The following TRIM13 variants were observed in gnomAD, a reference collection of about 807,000 sequenced individuals.
TRIM13 encodes tripartite motif containing 13, also known as E3 ubiquitin-protein ligase TRIM13.
A neutral mutation model predicts 27.1 loss-of-function variants in TRIM13; 15 were observed. That is an observed-to-expected ratio of 0.55 (90% CI 0.37 to 0.85). TRIM13 has a LOEUF of 0.85. Among genes scored for constraint, TRIM13 ranks in the 40% least tolerant of loss-of-function variants. The pLI, the probability that TRIM13 is intolerant of heterozygous loss-of-function variation, is 0.00. For synonymous variants in TRIM13, 193 were observed against 171.5 expected (o/e 1.13, Z -0.98); for missense variants, 402 against 472.2 (o/e 0.85, Z 1.38).
At chr13:50,004,730 AGAT>A (rs1435771641) in intron 1 of TRIM13, among the ~76,000 whole-genome samples, 3 of 150,264 alleles carry the variant, frequency 2.0e-5, no homozygotes, top group Admixed American at 6.6e-5. Context: ...CAGTGAGCCA[AGAT>A]GGCGCCACTG....
intron 1 of TRIM13, among the ~76,000 whole-genome samples, chr13:50,004,365 G>A (rs1874408330): frequency 6.6e-6 from 1 of 152,140 alleles, no homozygotes; most frequent in South Asian, 2.1e-4. Flanking sequence ...TCATGAGGCT[G>A]AGGTGGGAGG....
chr13:50,001,683 T>C (rs1167730820), intron 1 of TRIM13, among the ~76,000 whole-genome samples: 3 of 152,228 alleles, frequency 2.0e-5, no homozygotes, highest in Non-Finnish European at 4.4e-5. Flanking sequence ...ATATGTAATA[T>C]ATTAATTTTC....
chr13:50,007,054 C>T (rs919729459), intron 1 of TRIM13, among the ~76,000 whole-genome samples: 3 of 151,640 alleles, frequency 2.0e-5, no homozygotes, highest in Non-Finnish European at 4.4e-5. Context: ...TGGTGGTGGG[C>T]GCCTGTAGTT....
At chr13:50,007,041 G>T (rs1207934383) in intron 1 of TRIM13, among the ~76,000 whole-genome samples, 1 of 151,940 alleles carries the variant, frequency 6.6e-6, no homozygotes, top group East Asian at 1.9e-4. Context: ...AGTTAGCTGG[G>T]CATGGTGGTG....
chr13:50,016,266 T>TCCC lies in TRIM13; in HGVS notation c.*3102_*3103insCCC. On this transcript the variant is annotated 3_prime_UTR_variant, in exon 2 of 2. Transcript: ENST00000378182. ...GGATACTTTTTAGAGTGAAAGGGGC[T>TCCC]ATTATTAGGTGGGACAAAAGGAATA... 2 of 542,924 alleles carry TCCC rather than the reference T, an allele frequency of 3.7e-6. No homozygotes were observed. Among genetic ancestry groups the TCCC allele is most frequent in the Admixed American group, 6.8e-5 (2 of 29,294 alleles). The allele number at this position is 542,924 out of a possible 1,614,324, so 33.6% of individuals were successfully genotyped here. A position where few individuals can be genotyped will look rare whatever the true frequency, so the allele number is the denominator to read the frequency against.
intron 1 of TRIM13, 89 bp from the exon 2 acceptor site, chr13:50,011,846 T>C: frequency 7.0e-7 from 1 of 1,431,836 alleles, no homozygotes; most frequent in African/African-American, 1.4e-5. Flanking sequence ...GAAAAATCAT[T>C]TTAACGTGAA....
At position 50,013,188 on chromosome 13, in the gene TRIM13, T is replaced by C; in HGVS notation, c.*24T>C. The C allele has an allele frequency of 6.6e-7, 1 of 1,512,032 alleles. No individual in the cohort carries two copies. The highest frequency in any genetic ancestry group is 2.3e-5 in the East Asian group (1 of 43,370). The allele number at this position is 1,512,032 out of a possible 1,614,324, so 93.7% of individuals were successfully genotyped here. A position where few individuals can be genotyped will look rare whatever the true frequency, so the allele number is the denominator to read the frequency against. ...AAAATCTGTTTCAAGTATGCAGTTTTCTTTTGTTAGAAATTGTTAGAGAAT... is the reference window on the plus strand; with the variant it reads ...AAAATCTGTTTCAAGTATGCAGTTTCCTTTTGTTAGAAATTGTTAGAGAAT... On this transcript the variant is annotated 3_prime_UTR_variant, in exon 2 of 2. Transcript: ENST00000378182.
chr13:50,003,367 A>C (rs1338665644), intron 1 of TRIM13, among the ~76,000 whole-genome samples: 2 of 152,226 alleles, frequency 1.3e-5, no homozygotes, highest in Non-Finnish European at 1.5e-5. Flanking sequence ...ATGAAAAAAA[A>C]CAAAAAACAT....
At position 50,014,525 on chromosome 13, in the gene TRIM13, A is replaced by G. The variant is rs944070956; in HGVS notation, c.*1361A>G. 4 of 166,354 alleles carry G rather than the reference A, an allele frequency of 2.4e-5. No homozygotes were observed. The highest frequency in any genetic ancestry group is 9.7e-5 in the African/African-American group (4 of 41,224). The allele number at this position is 166,354 out of a possible 1,614,324, so 10.3% of individuals were successfully genotyped here. Reference sequence around the variant, plus strand: ...TACAACCAAACCAATCCACTTGCTTACAGAAAGAATGTTTAGTGTAGTTAA... The same window carrying G: ...TACAACCAAACCAATCCACTTGCTTGCAGAAAGAATGTTTAGTGTAGTTAA... On this transcript the variant is annotated 3_prime_UTR_variant, in exon 2 of 2. Transcript: ENST00000378182.
chr13:50,004,855 T>C (rs1874480180), intron 1 of TRIM13, among the ~76,000 whole-genome samples: 1 of 151,054 alleles, frequency 6.6e-6, no homozygotes, highest in African/African-American at 2.4e-5. Flanking sequence ...GAGGGCGGAT[T>C]ACCTGAGGTC....
chr13:50,009,095 A>AT (rs1178401815), intron 1 of TRIM13, among the ~76,000 whole-genome samples: 1 of 141,518 alleles, frequency 7.1e-6, no homozygotes, highest in Middle Eastern at 3.3e-3. Context: ...TCTATTAGAA[A>AT]TTAAAACAAT....
At chr13:50,000,775 A>G (rs1203327931) in intron 1 of TRIM13, among the ~76,000 whole-genome samples, 1 of 147,026 alleles carries the variant, frequency 6.8e-6, no homozygotes, top group African/African-American at 2.5e-5. Flanking sequence ...AACTAATTTT[A>G]TAATTTAAGA....
rs532707943 is a variant in TRIM13 at position 50,018,068 on chromosome 13, T to A, written c.*4904T>A. The A allele has an allele frequency of 6.0e-6, 1 of 167,146 alleles. No individual in the cohort carries two copies. Among genetic ancestry groups the A allele is most frequent in the African/African-American group, 2.4e-5 (1 of 41,574 alleles). 10.4% of individuals were successfully genotyped at this position (167,146 alleles called of 1,614,324 possible). ...TATAGTTGGTCACAGGATTCTAAAG[T>A]CTTTATTTGACTTCTCCTTTTTGAA... On this transcript the variant is annotated 3_prime_UTR_variant, in exon 2 of 2. Coordinates refer to ENST00000378182, the MANE Select transcript of TRIM13 (RefSeq NM_213590.3).
chr13:50,006,984 C>T (rs1457976717), intron 1 of TRIM13, among the ~76,000 whole-genome samples: 1 of 150,444 alleles, frequency 6.6e-6, no homozygotes, highest in African/African-American at 2.5e-5. Context: ...AGGTTGAGAC[C>T]AGCCTGGGCA....
Position 50,014,318 on chromosome 13 carries a change from A to C in TRIM13, c.*1154A>C. 1 of 22,766 alleles carries C rather than the reference A, an allele frequency of 4.4e-5. No individual in the cohort carries two copies. The highest frequency in any genetic ancestry group is 1.9e-4 in the African/African-American group (1 of 5,286). 1.4% of individuals were successfully genotyped at this position (22,766 alleles called of 1,614,324 possible). ...TAGCAAGACCCAGTCTCTACCAAAAAAAAAAAAAAAAAAAAAAAAAAAAAA... is the reference window on the plus strand; with the variant it reads ...TAGCAAGACCCAGTCTCTACCAAAACAAAAAAAAAAAAAAAAAAAAAAAAA... On this transcript the variant is annotated 3_prime_UTR_variant, in exon 2 of 2. Coordinates refer to ENST00000378182, the MANE Select transcript of TRIM13 (RefSeq NM_213590.3).
intron 1 of TRIM13, among the ~76,000 whole-genome samples, chr13:50,006,152 A>G (rs1033886899): frequency 3.3e-5 from 5 of 152,048 alleles, no homozygotes; most frequent in South Asian, 2.1e-4. Flanking sequence ...TACTTTCCAA[A>G]TAGTATTTTT....
chr13:50,002,148 G>A (rs1367823492), intron 1 of TRIM13, among the ~76,000 whole-genome samples: 1 of 152,128 alleles, frequency 6.6e-6, no homozygotes, highest in Non-Finnish European at 1.5e-5. Context: ...CCAGCACTTT[G>A]GGAGGCCAAG....
In TRIM13 at chr13:50,015,095, ATATATATATATATATATAT is replaced by A. The variant is rs1876311059; in HGVS notation, c.*1932_*1950del. ...AGTAATAAAAAAAAAAAAAAAAAAA[ATATATATATATATATATAT>A]ATATATATATATATATATATATATA... On this transcript the variant is annotated 3_prime_UTR_variant, in exon 2 of 2. Coordinates refer to ENST00000378182, the MANE Select transcript of TRIM13 (RefSeq NM_213590.3). 1.2e-4 allele frequency: 2 copies of A among 16,706 alleles called. No homozygotes were observed. Among genetic ancestry groups the A allele is most frequent in the African/African-American group, 6.5e-4 (2 of 3,088 alleles). 1.0% of individuals were successfully genotyped at this position (16,706 alleles called of 1,614,324 possible).
chr13:50,002,662 CTTT>C (rs1175687428), intron 1 of TRIM13, among the ~76,000 whole-genome samples: 1 of 144,714 alleles, frequency 6.9e-6, no homozygotes, highest in Non-Finnish European at 1.5e-5. Context: ...ATGGATCTCT[CTTT>C]TTTTTTTTTC....
Sources: allele counts gnomAD v4.1 joint callset (sites outside exome capture counted in the v4.1 genomes callset), GRCh38; gene constraint gnomAD v4.1.1; transcripts MANE v1.5; gene names NCBI Gene and HGNC (gene_info 2026-07-23, HGNC 2026-07-21).